The following CPPED1 variants were observed in gnomAD, a reference collection of about 807,000 sequenced individuals.
CPPED1 encodes serine/threonine-protein phosphatase CPPED1.
CPPED1 carries 28 observed loss-of-function variants against 28.0 expected under a neutral mutation model. The observed-to-expected ratio is 1.00, with a 90% CI of 0.74 to 1.37. The LOEUF is 1.37. Among genes scored for constraint, CPPED1 ranks in the 40% most tolerant of loss-of-function variants. The pLI is 0.00. For missense variants in CPPED1, 504 were observed against 416.5 expected (o/e 1.21, Z -1.83); for synonymous variants, 198 against 180.2 (o/e 1.10, Z -0.79).
At chr16:12,746,503 A>C (rs1015021146) in intron 2 of CPPED1, among the ~76,000 whole-genome samples, 1 of 152,212 alleles carries the variant, frequency 6.6e-6, no homozygotes, top group Non-Finnish European at 1.5e-5. Context: ...TACAAAAAGA[A>C]GGGTTAAAGG....
intron 1 of CPPED1, among the ~76,000 whole-genome samples, chr16:12,791,950 C>T (rs990387544): frequency 6.6e-6 from 1 of 151,306 alleles, no homozygotes; most frequent in South Asian, 2.1e-4. Flanking sequence ...GTTCTTCCAG[C>T]GGTATCTTTT....
At chr16:12,666,338 G>A (rs936870666) in intron 3 of CPPED1, among the ~76,000 whole-genome samples, 42 of 152,102 alleles carry the variant, frequency 2.8e-4, no homozygotes, top group African/African-American at 9.4e-4. Context: ...GTCACCGGGA[G>A]TTCAGCTCTT....
chr16:12,703,641 C>T (rs1270950442), intron 3 of CPPED1, among the ~76,000 whole-genome samples: 2 of 149,854 alleles, frequency 1.3e-5, no homozygotes, highest in Non-Finnish European at 3.0e-5. Flanking sequence ...GAGATTTTGC[C>T]ACTGCACTCC....
chr16:12,708,052 C>T (rs982853071), intron 2 of CPPED1, among the ~76,000 whole-genome samples: 2 of 152,144 alleles, frequency 1.3e-5, no homozygotes, highest in African/African-American at 4.8e-5. Context: ...GAGGCTGAGG[C>T]AGGAGAATCG....
At chr16:12,744,422 GAACACACAC>G (rs2080273999) in intron 2 of CPPED1, among the ~76,000 whole-genome samples, 1 of 152,048 alleles carries the variant, frequency 6.6e-6, no homozygotes, top group Non-Finnish European at 1.5e-5. Flanking sequence ...CAAGGAGGAG[GAACACACAC>G]TGGGTTTACC....
In CPPED1 at chr16:12,745,359, T is replaced by C. The variant is rs117301483; in HGVS notation, c.289+35826A>G. On this transcript the variant is annotated intron_variant, in intron 2 of 3. Coordinates refer to ENST00000381774, the MANE Select transcript of CPPED1 (RefSeq NM_018340.3). ...GAATATAAAGCATTCTACCATAAAGTCACATGCATGCGAATGTGCACTGCA... is the reference window on the plus strand; with the variant it reads ...GAATATAAAGCATTCTACCATAAAGCCACATGCATGCGAATGTGCACTGCA... Among the ~76,000 whole-genome samples, 4 of 152,114 alleles carry C rather than the reference T, an allele frequency of 2.6e-5. No homozygotes were observed. The East Asian group carries it at 7.7e-4, about 29-fold the overall frequency.
chr16:12,701,488 G>A (rs900930076), intron 3 of CPPED1, among the ~76,000 whole-genome samples: 5 of 152,188 alleles, frequency 3.3e-5, no homozygotes, highest in Non-Finnish European at 7.3e-5. Flanking sequence ...AGTGACCCGA[G>A]ATCATGCCAC....
In CPPED1 at chr16:12,664,293, A is replaced by G; in HGVS notation, c.*593T>C. 1 of 902,296 alleles carries G rather than the reference A, an allele frequency of 1.1e-6. No individual in the cohort carries two copies. The highest frequency in any genetic ancestry group is 1.3e-6 in the Non-Finnish European group (1 of 753,940). 55.9% of individuals were successfully genotyped at this position (902,296 alleles called of 1,614,324 possible). A position where few individuals can be genotyped will look rare whatever the true frequency, so the allele number is the denominator to read the frequency against. ...TTAAGCTCCGAGCTGTATCAACTGCATTCTGTTCCTATCATCAGAAGTCTC... is the reference window on the plus strand; with the variant it reads ...TTAAGCTCCGAGCTGTATCAACTGCGTTCTGTTCCTATCATCAGAAGTCTC... On this transcript the variant is annotated 3_prime_UTR_variant, in exon 4 of 4. Transcript: ENST00000381774. The surrounding 1 kb of genome is among the most constrained non-coding windows in gnomAD (Gnocchi z 4.2).
chr16:12,779,626 G>C (rs1159997387), intron 2 of CPPED1, among the ~76,000 whole-genome samples: 2 of 152,046 alleles, frequency 1.3e-5, no homozygotes, highest in Non-Finnish European at 2.9e-5. Flanking sequence ...CTGACCTCAA[G>C]TGATCCACCT....
At chr16:12,676,539 T>C (rs908688100) in intron 3 of CPPED1, among the ~76,000 whole-genome samples, 6 of 152,136 alleles carry the variant, frequency 3.9e-5, no homozygotes, top group African/African-American at 9.7e-5. Context: ...CTTGCCTGGA[T>C]TCACATAGCT....
chr16:12,666,508 G>A (rs572263020), intron 3 of CPPED1, among the ~76,000 whole-genome samples: 8 of 152,282 alleles, frequency 5.3e-5, no homozygotes, highest in African/African-American at 1.9e-4. Context: ...GCTGGTAAAT[G>A]TTTCACATGT....
chr16:12,770,606 T>C (rs1013100644), intron 2 of CPPED1, among the ~76,000 whole-genome samples: 1 of 152,106 alleles, frequency 6.6e-6, no homozygotes. Context: ...GTGGATCACC[T>C]GAGGTCAGGA....
At position 12,766,356 on chromosome 16, in the gene CPPED1, C is replaced by T. The variant is rs552079746; in HGVS notation, c.289+14829G>A. Among the ~76,000 whole-genome samples, 68 of 151,290 alleles carry T rather than the reference C, an allele frequency of 4.5e-4. No homozygotes were observed. The East Asian group carries it at 8.7e-3, about 19-fold the overall frequency. ...TTTTTGTGCTGCTGATAAAGACATA[C>T]CTCAGACTGTGAAGGAAAAGGGGTT... On this transcript the variant is annotated intron_variant, in intron 2 of 3. Coordinates refer to ENST00000381774, the MANE Select transcript of CPPED1 (RefSeq NM_018340.3).
At chr16:12,760,276 G>C (rs951799297) in intron 2 of CPPED1, 1 of 152,156 alleles carries the variant, frequency 6.6e-6, no homozygotes, top group African/African-American at 2.4e-5. Flanking sequence ...CCTGAGGACT[G>C]GTGGATCTTG....
At chr16:12,707,632 A>C (rs1368399915) in intron 2 of CPPED1, among the ~76,000 whole-genome samples, 1 of 152,184 alleles carries the variant, frequency 6.6e-6, no homozygotes, top group Non-Finnish European at 1.5e-5. Context: ...AATGACCATA[A>C]ACAGAAAAGT....
At chr16:12,730,219 C>G (rs2080190337) in intron 2 of CPPED1, among the ~76,000 whole-genome samples, 1 of 152,110 alleles carries the variant, frequency 6.6e-6, no homozygotes, top group African/African-American at 2.4e-5. Context: ...CCTGGCTAGT[C>G]TTGAACTATG....
intron 2 of CPPED1, among the ~76,000 whole-genome samples, chr16:12,727,118 C>T (rs1567287969): frequency 6.6e-6 from 1 of 152,186 alleles, no homozygotes; most frequent in East Asian, 1.9e-4. Flanking sequence ...AACTGGAGCC[C>T]TGCGTTGGCC....
chr16:12,674,755 A>T (rs1385517484), intron 3 of CPPED1, among the ~76,000 whole-genome samples: 1 of 152,224 alleles, frequency 6.6e-6, no homozygotes, highest in Non-Finnish European at 1.5e-5. Flanking sequence ...ATCAGAACTC[A>T]GGGTACTCAG....
intron 3 of CPPED1, among the ~76,000 whole-genome samples, chr16:12,695,564 C>G (rs1422432094): frequency 1.3e-5 from 2 of 152,212 alleles, no homozygotes; most frequent in Admixed American, 6.5e-5. Context: ...AGCCACCATG[C>G]CCAGCCTTCT....
Sources: allele counts gnomAD v4.1 joint callset (sites outside exome capture counted in the v4.1 genomes callset), GRCh38; gene constraint gnomAD v4.1.1; non-coding constraint Gnocchi (gnomAD v3.1); transcripts MANE v1.5; gene names NCBI Gene and HGNC (gene_info 2026-07-23, HGNC 2026-07-21).